Variants in MIPOL1 observed in about 807,000 individuals in gnomAD.
MIPOL1 encodes the protein mirror-image polydactyly gene 1 protein.
Under a neutral mutation model 60.9 loss-of-function variants are expected in MIPOL1, and 57 were observed. That is an observed-to-expected ratio of 0.94 (90% CI 0.76 to 1.17). The LOEUF is 1.17. Ranked by LOEUF, MIPOL1 falls within the 50% of genes most tolerant of loss-of-function variation. The pLI is 0.00. For synonymous variants in MIPOL1, 179 were observed against 168.8 expected (o/e 1.06, Z -0.47); for missense variants, 551 against 511.6 (o/e 1.08, Z -0.74).
rs1301626561 is a variant in MIPOL1, at chr14:37,223,566, G to A, written c.-198-23537G>A. Among the ~76,000 whole-genome samples the A allele has an allele frequency of 8.6e-5, 13 of 151,682 alleles. No individual in the cohort carries two copies. The South Asian group carries it at 1.0e-3, about 12-fold the overall frequency. ...TGCCCAGGCTGGAGTGCAATGGCGC[G>A]ATCTCGGCTCACTGCAACCTCTGTC... On this transcript the variant is annotated intron_variant, in intron 1 of 12. Coordinates refer to ENST00000684589, the MANE Select transcript of MIPOL1 (RefSeq NM_001388067.1).
At chr14:37,500,172 C>T (rs771541064) in intron 12 of MIPOL1, 34 bp downstream of exon 12, 1 of 1,355,958 alleles carries the variant, frequency 7.4e-7, no homozygotes, top group South Asian at 1.3e-5. Context: ...ATACTTCAAA[C>T]ACATGAAACA....
intron 3 of MIPOL1, among the ~76,000 whole-genome samples, chr14:37,263,837 T>C (rs2153381625): frequency 6.6e-6 from 1 of 152,336 alleles, no homozygotes; most frequent in Non-Finnish European, 1.5e-5. Flanking sequence ...GATAGAGGAA[T>C]CAACAGGATG....
At chr14:37,223,541 T>C (rs1182532739) in intron 1 of MIPOL1, among the ~76,000 whole-genome samples, 4 of 151,992 alleles carry the variant, frequency 2.6e-5, no homozygotes, top group Non-Finnish European at 5.9e-5. Context: ...TCACTCTCAT[T>C]GCCCAGGCTG....
chr14:37,398,751 C>G (rs113723411), intron 10 of MIPOL1, among the ~76,000 whole-genome samples: 1 of 152,144 alleles, frequency 6.6e-6, no homozygotes, highest in Admixed American at 6.5e-5. Flanking sequence ...GGACATTGAA[C>G]GAGTAAGATC....
At chr14:37,205,715 G>A (rs1338478304) in intron 1 of MIPOL1, among the ~76,000 whole-genome samples, 1 of 152,062 alleles carries the variant, frequency 6.6e-6, no homozygotes, top group East Asian at 1.9e-4. Context: ...GAGAACTTGC[G>A]GTGTTTGGTT....
intron 3 of MIPOL1, among the ~76,000 whole-genome samples, chr14:37,256,932 CT>C (rs890342253): frequency 6.6e-6 from 1 of 151,702 alleles, no homozygotes; most frequent in African/African-American, 2.4e-5. Context: ...GTACTTAATG[CT>C]TTTTTGAAAA....
At chr14:37,291,165 A>C (rs2085023510) in intron 7 of MIPOL1, among the ~76,000 whole-genome samples, 1 of 152,146 alleles carries the variant, frequency 6.6e-6, no homozygotes, top group African/African-American at 2.4e-5. Flanking sequence ...GGCTTCAAGC[A>C]ATCCTCCCTT....
intron 7 of MIPOL1, among the ~76,000 whole-genome samples, chr14:37,295,373 A>G (rs1477550790): frequency 6.6e-6 from 1 of 152,224 alleles, no homozygotes; most frequent in Non-Finnish European, 1.5e-5. Flanking sequence ...AAGACCATCA[A>G]GGCTAGGAAG....
At chr14:37,234,366 T>TTC in intron 1 of MIPOL1, among the ~76,000 whole-genome samples, 1 of 151,680 alleles carries the variant, frequency 6.6e-6, no homozygotes, top group African/African-American at 2.4e-5. Context: ...CTTTTCTTTT[T>TTC]TTTTTTTTCA....
chr14:37,252,441 T>C (rs1435156707), intron 3 of MIPOL1, among the ~76,000 whole-genome samples: 1 of 151,986 alleles, frequency 6.6e-6, no homozygotes, highest in Non-Finnish European at 1.5e-5. Flanking sequence ...GTTGTCTTCT[T>C]CCTTATTTTA....
chr14:37,230,190 A>C (rs1970403095), intron 1 of MIPOL1, among the ~76,000 whole-genome samples: 1 of 152,214 alleles, frequency 6.6e-6, no homozygotes, highest in South Asian at 2.1e-4. Context: ...GTGACTTGTC[A>C]AGATACATAA....
intron 1 of MIPOL1, among the ~76,000 whole-genome samples, chr14:37,204,551 C>T (rs1190864942): frequency 1.3e-5 from 2 of 151,960 alleles, no homozygotes; most frequent in Non-Finnish European, 2.9e-5. Flanking sequence ...TAAGGGGAAA[C>T]CCCTTTTGCT....
At chr14:37,381,459 C>A (rs542573493) in intron 10 of MIPOL1, among the ~76,000 whole-genome samples, 1 of 151,952 alleles carries the variant, frequency 6.6e-6, no homozygotes, top group African/African-American at 2.4e-5. Flanking sequence ...AAAGACAATA[C>A]CTAGCAGAGG....
In MIPOL1 at chr14:37,495,361, A is replaced by T. The variant is rs866228876; in HGVS notation, c.1032-4547A>T. Among the ~76,000 whole-genome samples the T allele has an allele frequency of 8.5e-3, 1,213 of 142,792 alleles. 18 individuals are homozygous for T. Among genetic ancestry groups the T allele is most frequent in the African/African-American group, 0.029 (1,112 of 38,600 alleles). 93.7% of individuals were successfully genotyped at this position (142,792 alleles called of 152,430 possible). ...TGATCTCATTGTTCAATTCCCACCT[A>T]TGAGTGAGACTATGCGGTGTTTGGT... On this transcript the variant is annotated intron_variant, in intron 11 of 12. Transcript: ENST00000684589.
At chr14:37,456,410 A>G (rs904593249) in intron 11 of MIPOL1, among the ~76,000 whole-genome samples, 5 of 152,074 alleles carry the variant, frequency 3.3e-5, no homozygotes, top group African/African-American at 9.7e-5. Flanking sequence ...ACACAAAGCC[A>G]TAATAGACAC....
rs1161420688 is a variant in MIPOL1, at chr14:37,247,129, A to T, written c.-172A>T. ...TAATCCAAAAGTAAATGAGAAACTT[A>T]GAAAAAGATTGCCAATTCCAAATCA... On this transcript the variant is annotated 5_prime_UTR_variant, in exon 2 of 13. Transcript: ENST00000684589. 2 of 152,566 alleles carry T rather than the reference A, an allele frequency of 1.3e-5. No individual in the cohort carries two copies. Among genetic ancestry groups the T allele is most frequent in the Non-Finnish European group, 2.9e-5 (2 of 67,976 alleles). 9.5% of individuals were successfully genotyped at this position (152,566 alleles called of 1,614,324 possible). A position where few individuals can be genotyped will look rare whatever the true frequency, so the allele number is the denominator to read the frequency against.
chr14:37,426,604 CAT>C (rs1488716081), intron 11 of MIPOL1, among the ~76,000 whole-genome samples: 26 of 68,180 alleles, frequency 3.8e-4, no homozygotes, highest in African/African-American at 1.1e-3. Context: ...TACACACACA[CAT>C]ACATATATAA....
chr14:37,313,702 C>T (rs1426683193), intron 9 of MIPOL1, among the ~76,000 whole-genome samples: 3 of 152,016 alleles, frequency 2.0e-5, no homozygotes, highest in South Asian at 4.2e-4. Flanking sequence ...CTATTATAGG[C>T]GTAATGGAAA....
intron 9 of MIPOL1, among the ~76,000 whole-genome samples, chr14:37,310,813 T>G (rs1474886492): frequency 1.3e-5 from 2 of 152,008 alleles, no homozygotes; most frequent in Admixed American, 1.3e-4. Flanking sequence ...TGTATTCTAG[T>G]GTGTGTTTGT....
Sources: allele counts gnomAD v4.1 joint callset (sites outside exome capture counted in the v4.1 genomes callset), GRCh38; gene constraint gnomAD v4.1.1; transcripts MANE v1.5; gene names NCBI Gene and HGNC (gene_info 2026-07-23, HGNC 2026-07-21).